The following HMGCL variants were observed in gnomAD, a reference collection of about 807,000 sequenced individuals.
HMGCL encodes the protein 3-hydroxy-3-methylglutaryl-CoA lyase.
HMGCL carries 26 observed loss-of-function variants against 37.3 expected under a neutral mutation model. The ratio of observed to expected loss-of-function variants is 0.70; its 90% confidence interval spans 0.51 to 0.97. The LOEUF is 0.97. Ranked by LOEUF, HMGCL falls within the 50% of genes least tolerant of loss-of-function variation. The probability of loss-of-function intolerance (pLI) is 0.00; values close to 1 mark genes in which losing one functional copy is unlikely to be tolerated. For missense variants in HMGCL, 379 were observed against 398.1 expected, an observed-to-expected ratio of 0.95 and a Z score of 0.41; for synonymous variants, 151 against 148.0, an observed-to-expected ratio of 1.02 and a Z score of -0.15.
chr1:23,804,822 C>A (rs1019953461), intron 7 of HMGCL, among the ~76,000 whole-genome samples: 1 of 151,680 alleles, frequency 6.6e-6, no homozygotes, highest in Non-Finnish European at 1.5e-5. Context: ...CCAGCCTAAC[C>A]CCCTCCCACT....
At chr1:23,820,719 T>A in intron 1 of HMGCL, 126 bp from the exon 2 acceptor site, 1 of 739,678 alleles carries the variant, frequency 1.4e-6, no homozygotes, top group Non-Finnish European at 2.5e-6. Context: ...TCTCACCATT[T>A]AATTCACATT....
At chr1:23,812,401 T>C (rs1315641495) in intron 5 of HMGCL, among the ~76,000 whole-genome samples, 5 of 152,188 alleles carry the variant, frequency 3.3e-5, no homozygotes, top group African/African-American at 1.2e-4. Context: ...CTTTCACCCA[T>C]GCTGGTGTGC....
chr1:23,806,794 C>T lies in HMGCL; in HGVS notation c.750+1341G>A, dbSNP rs1384139941. The T allele has an allele frequency of 1.1e-5, 4 of 372,010 alleles. No homozygotes were observed. Among genetic ancestry groups the T allele is most frequent in the Non-Finnish European group, 2.1e-5 (4 of 188,960 alleles). 23.0% of individuals were successfully genotyped at this position (372,010 alleles called of 1,614,324 possible). A position where few individuals can be genotyped will look rare whatever the true frequency, so the allele number is the denominator to read the frequency against. On this transcript the variant is annotated intron_variant, in intron 7 of 8. Transcript: ENST00000374490. The surrounding 1 kb of genome is among the most constrained non-coding windows in gnomAD (Gnocchi z 4.0). ...TGAGAACAGTGCCTAGCACACTAGG[C>T]ACCGTTAGGTTAGGTTTTAATAGGT...
At position 23,804,441 on chromosome 1, in the gene HMGCL, C is replaced by T. The variant is rs121964998; in HGVS notation, c.835G>A (p.Glu279Lys). 2 of 1,614,228 alleles carry T rather than the reference C, an allele frequency of 1.2e-6. No individual in the cohort carries two copies. The highest frequency in any genetic ancestry group is 4.5e-5 in the East Asian group (2 of 44,892). Residue 279 changes from glutamate (E) to lysine (K), a missense_variant, in exon 8 of 9, where the codon GAA becomes AAA. Glu to Lys is a moderately conservative substitution (Grantham distance 56). Transcript: ENST00000374490. ...CCCTCTAGCATGTAGACCAGGTCTT[C>T]TGTGGCCAAGTTTCCTGATGCCCCC... is the stretch of plus-strand genomic sequence containing the variant. ...AQGASGNLAT[E>K]DLVYMLEGLG... is the part of the protein sequence containing the mutation.
rs781059597 is a variant in HMGCL, at chr1:23,810,716, G to C, written c.561+20C>G. On this transcript the variant is annotated intron_variant, in intron 6 of 8. Coordinates refer to ENST00000374490, the MANE Select transcript of HMGCL (RefSeq NM_000191.3). ...GTGGCCAACCCTCACCAAACCCCCC[G>C]CCCTGACACATGCACACACCTCAGC... 1 of 1,612,338 alleles carries C rather than the reference G, an allele frequency of 6.2e-7. No individual in the cohort carries two copies. The highest frequency in any genetic ancestry group is 8.5e-7 in the Non-Finnish European group (1 of 1,178,534).
chr1:23,807,716 G>A (rs1446966606), intron 7 of HMGCL, among the ~76,000 whole-genome samples: 4 of 152,152 alleles, frequency 2.6e-5, no homozygotes, highest in Non-Finnish European at 5.9e-5. Flanking sequence ...CCTGTATATT[G>A]TATGAGTCCT....
intron 3 of HMGCL, among the ~76,000 whole-genome samples, chr1:23,817,129 C>T (rs1281878759): frequency 6.6e-6 from 1 of 152,222 alleles, no homozygotes; most frequent in African/African-American, 2.4e-5. Context: ...CTTCACTTAA[C>T]TATCTTTGTG....
At chr1:23,809,280 C>T (rs1286614409) in intron 6 of HMGCL, 2 of 142,554 alleles carry the variant, frequency 1.4e-5, no homozygotes, top group Non-Finnish European at 3.0e-5. Flanking sequence ...CCTCTGTTGC[C>T]CAGGCTGGAG....
At position 23,802,480 on chromosome 1, in the gene HMGCL, C is replaced by T. The variant is rs781046460; in HGVS notation, c.961G>A (p.Ala321Thr). Residue 321 changes from alanine (A) to threonine (T), a missense_variant, in exon 9 of 9, where the codon GCT (alanine) becomes ACT (threonine). Coordinates refer to ENST00000374490, the MANE Select transcript of HMGCL (RefSeq NM_000191.3). ...NRKTSSKVAQ[A>T]TCKL ...CAAGGGGCTCAGAGTTTACAGGTAG[C>T]CTGAGCCACTTTGGAGCTAGTTTTT... The T allele has an allele frequency of 6.2e-7, 1 of 1,611,714 alleles. No homozygotes were observed. Among genetic ancestry groups the T allele is most frequent in the Admixed American group, 1.7e-5 (1 of 60,026 alleles).
chr1:23,802,640 A>T (rs1638305916), intron 8 of HMGCL, 76 bp from the exon 9 acceptor site: 1 of 925,306 alleles, frequency 1.1e-6, no homozygotes, highest in African/African-American at 1.6e-5. Flanking sequence ...GCATGGACAG[A>T]CAACTGTGAT....
At chr1:23,810,932 G>T (rs1013430471) in intron 5 of HMGCL, 133 bp from the exon 6 acceptor site, 7 of 731,180 alleles carry the variant, frequency 9.6e-6, no homozygotes, top group Non-Finnish European at 1.7e-5. Flanking sequence ...GTAAGGGCAG[G>T]GATGGTACAA....
intron 1 of HMGCL, among the ~76,000 whole-genome samples, chr1:23,824,627 G>A (rs1227684442): frequency 6.6e-6 from 1 of 152,146 alleles, no homozygotes; most frequent in Non-Finnish European, 1.5e-5. Context: ...CCAGAACACT[G>A]CCAGATGTGT....
chr1:23,816,893 A>G, intron 3 of HMGCL, 123 bp from the exon 4 acceptor site: 1 of 740,240 alleles, frequency 1.4e-6, no homozygotes. Flanking sequence ...TTCCTTCTGC[A>G]GAGCTGAGTC....
intron 8 of HMGCL, among the ~76,000 whole-genome samples, chr1:23,803,357 A>G (rs943122293): frequency 6.6e-6 from 1 of 152,188 alleles, no homozygotes; most frequent in Non-Finnish European, 1.5e-5. Context: ...GCGTGCCACC[A>G]CACCCAGCTA....
chr1:23,804,586 G>C (rs1638367869), intron 7 of HMGCL, 61 bp from the exon 8 acceptor site: 3 of 1,591,066 alleles, frequency 1.9e-6, no homozygotes, highest in Non-Finnish European at 2.6e-6. Flanking sequence ...ACAGAGATGA[G>C]CCTTGCAAAC....
rs150629111 is a variant in HMGCL, at chr1:23,815,198, C to T, written c.349-860G>A. On this transcript the variant is annotated intron_variant, in intron 4 of 8. Coordinates refer to ENST00000374490, the MANE Select transcript of HMGCL (RefSeq NM_000191.3). The stretch of plus-strand genomic sequence containing the variant: ...CTCCAGCCTGGGCGACAGAGCAAGA[C>T]TCTGTCTAAAAAAAACAAAAACAAA... 6.7e-3 allele frequency among the ~76,000 whole-genome samples: 1,019 copies of T among 152,008 alleles called. 9 individuals carry two copies. The highest frequency in any genetic ancestry group is 0.023 in the African/African-American group (943 of 41,484).
chr1:23,815,537 C>G (rs1638596926), intron 4 of HMGCL, among the ~76,000 whole-genome samples: 1 of 151,530 alleles, frequency 6.6e-6, no homozygotes. Context: ...GCTCTGTCAC[C>G]CAGGCTGGAA....
At chr1:23,825,332 G>A in intron 1 of HMGCL, 24 bp downstream of exon 1, 2 of 1,547,512 alleles carry the variant, frequency 1.3e-6, no homozygotes, top group Non-Finnish European at 1.7e-6. Flanking sequence ...CAGGGCCGCC[G>A]CCTCGGCGGC....
At chr1:23,808,092 C>T (rs1440548850) in intron 7 of HMGCL, 43 bp downstream of exon 7, 1 of 1,544,766 alleles carries the variant, frequency 6.5e-7, no homozygotes, top group Non-Finnish European at 9.0e-7. Context: ...AGCTGTCCTG[C>T]CCACCGTGAC....
Sources: gnomAD v4.1 joint callset for allele counts (sites outside exome capture counted in the v4.1 genomes callset) on GRCh38, gnomAD v4.1.1 for gene constraint, Gnocchi (gnomAD v3.1) non-coding constraint, MANE v1.5 for transcripts, NCBI Gene and HGNC (gene_info 2026-07-23, HGNC 2026-07-21) for gene names.